Variants in RGS22 observed in about 807,000 individuals in gnomAD.
RGS22 encodes the protein regulator of G-protein signaling 22.
RGS22 carries 148 observed loss-of-function variants against 172.9 expected under a neutral mutation model. That is an observed-to-expected ratio of 0.86 (90% CI 0.75 to 0.98). The LOEUF (loss-of-function observed/expected upper bound fraction) is 0.98. Among genes scored for constraint, RGS22 ranks in the 50% least tolerant of loss-of-function variants. The probability of loss-of-function intolerance (pLI) is 0.00; values close to 1 mark genes in which losing one functional copy is unlikely to be tolerated. For synonymous variants in RGS22, 458 were observed against 480.2 expected (o/e 0.95, Z 0.60); for missense variants, 1,347 against 1,440.8 (o/e 0.93, Z 1.05).
intron 15 of RGS22, among the ~76,000 whole-genome samples, 192 bp downstream of exon 15, chr8:100,008,183 G>A (rs867527182): frequency 9.8e-4 from 148 of 151,670 alleles, no homozygotes; most frequent in Middle Eastern, 3.4e-3. Flanking sequence ...GATTACAGGC[G>A]CCCACCACCA....
rs3101321 is a variant in RGS22, at chr8:99,999,189, C to T, written c.2949+73G>A. 9,878 of 1,301,044 alleles carry T rather than the reference C, an allele frequency of 7.6e-3. 453 individuals are homozygous for T. The East Asian group carries it at 0.13, about 17-fold the overall frequency. 80.6% of individuals were successfully genotyped at this position (1,301,044 alleles called of 1,614,324 possible). A position where few individuals can be genotyped will look rare whatever the true frequency, so the allele number is the denominator to read the frequency against. On this transcript the variant is annotated intron_variant, in intron 19 of 27. Transcript: ENST00000360863. Reference sequence around the variant, plus strand: ...AAAAAAAAAAGGACAATGGCTGGGTCACCAGGTATGTACATTTGAAGTTTT... The same window carrying T: ...AAAAAAAAAAGGACAATGGCTGGGTTACCAGGTATGTACATTTGAAGTTTT...
chr8:100,080,399 G>A, intron 3 of RGS22, 44 bp from the exon 4 acceptor site: 1 of 1,380,790 alleles, frequency 7.2e-7, no homozygotes, highest in Non-Finnish European at 1.0e-6. Context: ...TTTAAACCTG[G>A]AAACTCATGG....
intron 9 of RGS22, among the ~76,000 whole-genome samples, chr8:100,059,726 A>G (rs566610186): frequency 2.0e-5 from 3 of 152,336 alleles, no homozygotes; most frequent in Admixed American, 6.5e-5. Context: ...AGCATTGGAC[A>G]GATCCTCCAG....
At chr8:99,991,028 T>A (rs963411682) in intron 20 of RGS22, among the ~76,000 whole-genome samples, 11 of 152,176 alleles carry the variant, frequency 7.2e-5, no homozygotes, top group African/African-American at 2.7e-4. Flanking sequence ...GGAACCTGAC[T>A]GTTAGAAGGA....
intron 27 of RGS22, 107 bp from the exon 28 acceptor site, chr8:99,961,303 T>A (rs1158570922): frequency 2.5e-6 from 1 of 403,388 alleles, no homozygotes; most frequent in Non-Finnish European, 4.9e-6. Flanking sequence ...TTGATATGGT[T>A]TGGCTGTGTC....
chr8:100,062,760 A>G lies in RGS22; in HGVS notation c.1353-8T>C. On this transcript the variant is annotated splice_region_variant and splice_polypyrimidine_tract_variant and intron_variant, in intron 8 of 27. Transcript: ENST00000360863. ...TTCATCTTCTCAAGATGTCTGAAAT[A>G]AAACACATTTCCATATATACACACA... The G allele has an allele frequency of 6.3e-7, 1 of 1,591,824 alleles. No individual in the cohort carries two copies. Among genetic ancestry groups the G allele is most frequent in the South Asian group, 1.1e-5 (1 of 87,904 alleles).
At position 100,106,016 on chromosome 8, in the gene RGS22, G is replaced by A. The variant is rs899143317; in HGVS notation, c.-95C>T. On this transcript the variant is annotated 5_prime_UTR_variant, in exon 1 of 28. Coordinates refer to ENST00000360863, the MANE Select transcript of RGS22 (RefSeq NM_015668.5). ...GTCAGGGCCTGAGCGACGCGGCGACGGCGCGCGGGCTCCGGAGCTACGCTG... is the reference window on the plus strand; with the variant it reads ...GTCAGGGCCTGAGCGACGCGGCGACAGCGCGCGGGCTCCGGAGCTACGCTG... 4 of 1,195,904 alleles carry A rather than the reference G, an allele frequency of 3.3e-6. No homozygotes were observed. The African/African-American group carries it at 6.4e-5, about 19-fold the overall frequency. The allele number at this position is 1,195,904 out of a possible 1,614,324, so 74.1% of individuals were successfully genotyped here.
At chr8:100,046,426 G>C (rs918061613) in intron 11 of RGS22, 2 of 151,514 alleles carry the variant, frequency 1.3e-5, no homozygotes, top group Non-Finnish European at 2.9e-5. Context: ...CTTGAAAAAT[G>C]ATGATAATGC....
At chr8:100,079,178 A>G (rs1811569883) in intron 4 of RGS22, among the ~76,000 whole-genome samples, 1 of 152,260 alleles carries the variant, frequency 6.6e-6, no homozygotes. Context: ...GAATAAAACA[A>G]TAAACATTGT....
At chr8:100,074,537 G>T (rs1472332689) in intron 4 of RGS22, among the ~76,000 whole-genome samples, 1 of 152,102 alleles carries the variant, frequency 6.6e-6, no homozygotes. Flanking sequence ...TTTGATTCTA[G>T]TATCTTTCAT....
Position 100,045,012 on chromosome 8 carries a change from G to A in RGS22, c.1823+2451C>T, listed in dbSNP as rs191253606. Among the ~76,000 whole-genome samples, 194 of 152,206 alleles carry A rather than the reference G, an allele frequency of 1.3e-3. 1 individual carries two copies. The Middle Eastern group carries it at 0.024, about 19-fold the overall frequency. On this transcript the variant is annotated intron_variant, in intron 11 of 27. Transcript: ENST00000360863. ...ATCCCTGGAGTACTGGCTGGGCTTG[G>A]TGGCTCATGCCTGTAATCCCAGCAC...
At chr8:99,991,549 G>A (rs1813722149) in intron 20 of RGS22, among the ~76,000 whole-genome samples, 1 of 152,124 alleles carries the variant, frequency 6.6e-6, no homozygotes, top group Non-Finnish European at 1.5e-5. Context: ...AATAAAGCAA[G>A]AAGACAAGGT....
In RGS22 at chr8:100,047,573, T is replaced by C. The variant is rs778882916; in HGVS notation, c.1713A>G (p.Gln571=). 7 of 1,609,470 alleles carry C rather than the reference T, an allele frequency of 4.3e-6. No individual in the cohort carries two copies. The highest frequency in any genetic ancestry group is 2.2e-5 in the East Asian group (1 of 44,800). Residue 571 remains glutamine, a synonymous_variant, in exon 11 of 28, where the codon CAA becomes CAG. Coordinates refer to ENST00000360863, the MANE Select transcript of RGS22 (RefSeq NM_015668.5). The part of the protein sequence containing the change: ...EIQKEEFSLS[Q]PPKSPNKSPE... ...GTGATTTATTGGGAGATTTAGGAGG[T>C]TGTGATAAGCTGAATTCTTCTTTCT...
At chr8:100,103,278 G>C (rs973270923) in intron 2 of RGS22, among the ~76,000 whole-genome samples, 23 of 152,188 alleles carry the variant, frequency 1.5e-4, no homozygotes, top group Non-Finnish European at 3.4e-4. Flanking sequence ...GGAGGCAATG[G>C]TATCAGTTAG....
At chr8:99,973,240 A>G (rs1310940638) in intron 23 of RGS22, among the ~76,000 whole-genome samples, 1 of 152,164 alleles carries the variant, frequency 6.6e-6, no homozygotes, top group Non-Finnish European at 1.5e-5. Flanking sequence ...CACTATTCAC[A>G]ATAGCAAAGA....
chr8:100,031,156 T>A (rs891725833), intron 14 of RGS22, among the ~76,000 whole-genome samples: 1 of 152,152 alleles, frequency 6.6e-6, no homozygotes, highest in African/African-American at 2.4e-5. Context: ...ATTATCACTA[T>A]CCATATTTTA....
chr8:100,056,728 T>C (rs529134270), intron 9 of RGS22, among the ~76,000 whole-genome samples: 15 of 152,150 alleles, frequency 9.9e-5, no homozygotes, highest in Admixed American at 2.6e-4. Flanking sequence ...TCTGCCTAGA[T>C]TTCAGAGTAT....
At chr8:100,048,961 T>C (rs1381777220) in intron 10 of RGS22, among the ~76,000 whole-genome samples, 1 of 152,126 alleles carries the variant, frequency 6.6e-6, no homozygotes, top group Non-Finnish European at 1.5e-5. Context: ...TAAAAAGTGA[T>C]TAAGATGACA....
chr8:100,024,853 T>C (rs912309846), intron 14 of RGS22, among the ~76,000 whole-genome samples: 1 of 152,116 alleles, frequency 6.6e-6, no homozygotes, highest in African/African-American at 2.4e-5. Context: ...CCTCTTAGGA[T>C]TGTCTAGAAT....
Sources: allele counts gnomAD v4.1 joint callset (sites outside exome capture counted in the v4.1 genomes callset), GRCh38; gene constraint gnomAD v4.1.1; transcripts MANE v1.5; gene names NCBI Gene and HGNC (gene_info 2026-07-23, HGNC 2026-07-21).